KCNMB2: variants seen among roughly 807,000 people sequenced by gnomAD.
KCNMB2 encodes the protein potassium calcium-activated channel subfamily M regulatory beta subunit 2, also known as calcium-activated potassium channel subunit beta-2.
A neutral mutation model predicts 24.5 loss-of-function variants in KCNMB2; 9 were observed. That is an observed-to-expected ratio of 0.37 (90% CI 0.22 to 0.64). KCNMB2 has a LOEUF of 0.64. KCNMB2 is among the 30% of genes least tolerant of loss of function. KCNMB2 has a pLI of 0.63. For missense variants in KCNMB2, 226 were observed against 284.3 expected (o/e 0.79, Z 1.47); for synonymous variants, 109 against 104.4 (o/e 1.04, Z -0.27).
chr3:178,790,719 T>C (rs1368969232), intron 1 of KCNMB2, among the ~76,000 whole-genome samples: 4 of 152,180 alleles, frequency 2.6e-5, no homozygotes, highest in Admixed American at 2.0e-4. Flanking sequence ...ACAGAGGTGC[T>C]TGTGTCACCC....
intron 1 of KCNMB2, among the ~76,000 whole-genome samples, chr3:178,591,769 C>T (rs547434699): frequency 8.9e-4 from 135 of 152,214 alleles, no homozygotes; most frequent in Non-Finnish European, 1.7e-3. Context: ...AATCCCTTAA[C>T]GTCTTTGGTC....
intron 1 of KCNMB2, among the ~76,000 whole-genome samples, chr3:178,772,199 T>C (rs955824521): frequency 6.6e-6 from 1 of 152,222 alleles, no homozygotes; most frequent in African/African-American, 2.4e-5. Context: ...TCTTTATCTC[T>C]TTATCCCACT....
chr3:178,798,825 C>T (rs1461960535), intron 1 of KCNMB2, among the ~76,000 whole-genome samples: 1 of 151,790 alleles, frequency 6.6e-6, no homozygotes, highest in Non-Finnish European at 1.5e-5. Flanking sequence ...ACCACCATGG[C>T]ACATGTTTAC....
At chr3:178,730,262 T>G (rs1723100148) in intron 1 of KCNMB2, among the ~76,000 whole-genome samples, 1 of 152,212 alleles carries the variant, frequency 6.6e-6, no homozygotes, top group Non-Finnish European at 1.5e-5. Context: ...ATTGCATAAC[T>G]TGCTCATGAT....
chr3:178,549,122 T>C (rs1252311106), intron 1 of KCNMB2, among the ~76,000 whole-genome samples: 2 of 152,174 alleles, frequency 1.3e-5, no homozygotes, highest in African/African-American at 4.8e-5. Flanking sequence ...AATAATGTTG[T>C]ATACTATGCT....
intron 1 of KCNMB2, among the ~76,000 whole-genome samples, chr3:178,783,900 G>A (rs1272316015): frequency 6.6e-6 from 1 of 152,198 alleles, no homozygotes; most frequent in Non-Finnish European, 1.5e-5. Context: ...TCCAGTTTTT[G>A]TCCATTCAGT....
chr3:178,740,732 A>C lies in KCNMB2; in HGVS notation c.-67-66611A>C, dbSNP rs565398186. Reference sequence around the variant, plus strand: ...TACCACTTTCTGCTTCGGTGGGAGAATCTTTGGTTGACTACCTTAATGAAC... The same window carrying C: ...TACCACTTTCTGCTTCGGTGGGAGACTCTTTGGTTGACTACCTTAATGAAC... On this transcript the variant is annotated intron_variant, in intron 1 of 4. Transcript: ENST00000452583. Among the ~76,000 whole-genome samples, 235 of 152,260 alleles carry C rather than the reference A, an allele frequency of 1.5e-3. 1 individual carries two copies. Among genetic ancestry groups the C allele is most frequent in the Non-Finnish European group, 2.9e-3 (198 of 68,024 alleles).
intron 1 of KCNMB2, among the ~76,000 whole-genome samples, chr3:178,655,138 C>CTCTA (rs1553828574): frequency 2.7e-3 from 373 of 137,896 alleles, no homozygotes; most frequent in Admixed American, 4.5e-3. Flanking sequence ...CTCTCTCTCT[C>CTCTA]TCTCTATCTC....
intron 4 of KCNMB2, among the ~76,000 whole-genome samples, chr3:178,842,006 A>G (rs1224752936): frequency 6.6e-6 from 1 of 152,202 alleles, no homozygotes; most frequent in Non-Finnish European, 1.5e-5. Flanking sequence ...GGCTTATAGG[A>G]AAAGCTACTT....
At chr3:178,767,914 G>A (rs1185462793) in intron 1 of KCNMB2, among the ~76,000 whole-genome samples, 1 of 152,112 alleles carries the variant, frequency 6.6e-6, no homozygotes, top group African/African-American at 2.4e-5. Context: ...CCAATCTATT[G>A]GAAAGGACTT....
intron 1 of KCNMB2, among the ~76,000 whole-genome samples, chr3:178,714,580 G>A (rs1722558334): frequency 2.6e-5 from 4 of 152,182 alleles, no homozygotes; most frequent in Non-Finnish European, 5.9e-5. Flanking sequence ...CATGGTTAGT[G>A]AATGACAAGG....
intron 1 of KCNMB2, among the ~76,000 whole-genome samples, chr3:178,662,512 A>G (rs1170663584): frequency 1.3e-5 from 2 of 152,178 alleles, no homozygotes; most frequent in African/African-American, 4.8e-5. Context: ...TTATGGTCTT[A>G]TACCTTTTCT....
At position 178,759,791 on chromosome 3, in the gene KCNMB2, T is replaced by G. The variant is rs557429093; in HGVS notation, c.-67-47552T>G. Among the ~76,000 whole-genome samples, 69 of 42,884 alleles carry G rather than the reference T, an allele frequency of 1.6e-3. 4 individuals carry two copies. The highest frequency in any genetic ancestry group is 7.0e-3 in the African/African-American group (54 of 7,704). 28.1% of individuals were successfully genotyped at this position (42,884 alleles called of 152,430 possible). A position where few individuals can be genotyped will look rare whatever the true frequency, so the allele number is the denominator to read the frequency against. The stretch of plus-strand genomic sequence containing the variant: ...ATCCAAGAGGATATATCTATATATA[T>G]ATATATCCAAGAGGATATATCTATA... On this transcript the variant is annotated intron_variant, in intron 1 of 4. Coordinates refer to ENST00000452583, the MANE Select transcript of KCNMB2 (RefSeq NM_181361.3).
chr3:178,690,768 G>A (rs1721641986), intron 1 of KCNMB2, among the ~76,000 whole-genome samples: 1 of 152,154 alleles, frequency 6.6e-6, no homozygotes, highest in Admixed American at 6.6e-5. Flanking sequence ...TTCACTCATG[G>A]AAGATTGAAT....
Position 178,843,586 on chromosome 3 carries a change from A to G in KCNMB2, c.*649A>G, listed in dbSNP as rs1196666362. ...GTTCTATAATATCTTCCTGTGATTT[A>G]TGTAGAAAATGAACACACCCCTTTT... On this transcript the variant is annotated 3_prime_UTR_variant, in exon 5 of 5. Transcript: ENST00000452583. 1 of 170,106 alleles carries G rather than the reference A, an allele frequency of 5.9e-6. No individual in the cohort carries two copies. Among genetic ancestry groups the G allele is most frequent in the Non-Finnish European group, 1.3e-5 (1 of 78,976 alleles). The allele number at this position is 170,106 out of a possible 1,614,324, so 10.5% of individuals were successfully genotyped here.
chr3:178,695,676 C>A (rs1282475154), intron 1 of KCNMB2, among the ~76,000 whole-genome samples: 1 of 152,130 alleles, frequency 6.6e-6, no homozygotes, highest in Admixed American at 6.5e-5. Flanking sequence ...CATCTCCATC[C>A]GAGACCACCT....
intron 1 of KCNMB2, among the ~76,000 whole-genome samples, chr3:178,744,237 T>C (rs372619442): frequency 3.3e-5 from 5 of 152,336 alleles, no homozygotes; most frequent in Admixed American, 2.0e-4. Flanking sequence ...ACATGATAAA[T>C]ATAGATTAAT....
chr3:178,766,229 T>G (rs1390466619), intron 1 of KCNMB2, among the ~76,000 whole-genome samples: 1 of 152,208 alleles, frequency 6.6e-6, no homozygotes, highest in African/African-American at 2.4e-5. Flanking sequence ...GGCCTTTCTC[T>G]GTCACCCAGG....
intron 1 of KCNMB2, among the ~76,000 whole-genome samples, chr3:178,555,081 G>A (rs1560107267): frequency 7.6e-6 from 1 of 131,448 alleles, no homozygotes; most frequent in Non-Finnish European, 1.6e-5. Flanking sequence ...TGACAGATCA[G>A]AGGAGCTGGT....
Sources: gnomAD v4.1 joint callset for allele counts (sites outside exome capture counted in the v4.1 genomes callset) on GRCh38, gnomAD v4.1.1 for gene constraint, MANE v1.5 for transcripts, NCBI Gene and HGNC (gene_info 2026-07-23, HGNC 2026-07-21) for gene names.